The following EXOC6B variants were observed in gnomAD, a reference collection of about 807,000 sequenced individuals.
EXOC6B encodes SEC15 homolog B.
A neutral mutation model predicts 113.5 loss-of-function variants in EXOC6B; 54 were observed. The observed-to-expected ratio is 0.48, with a 90% CI of 0.38 to 0.60. EXOC6B has a LOEUF of 0.60. Ranked by LOEUF, EXOC6B falls within the 20% of genes least tolerant of loss-of-function variation. The pLI is 0.00. For synonymous variants in EXOC6B, 357 were observed against 339.0 expected (o/e 1.05, Z -0.58); for missense variants, 797 against 977.5 (o/e 0.82, Z 2.46).
rs755581083 is a variant in EXOC6B, at chr2:72,622,231, CA to C, written c.670-46564del. 5.1e-3 allele frequency among the ~76,000 whole-genome samples: 660 copies of C among 129,662 alleles called. 5 individuals carry two copies. The highest frequency in any genetic ancestry group is 0.024 in the Admixed American group (306 of 12,890). 85.1% of individuals were successfully genotyped at this position (129,662 alleles called of 152,430 possible). A position where few individuals can be genotyped will look rare whatever the true frequency, so the allele number is the denominator to read the frequency against. Reference sequence around the variant, plus strand: ...AACATTTTAAAAAACTGATGAAGTACAAAAAAAAAAAACTCTTCTCAGCCCC... The same window carrying C: ...AACATTTTAAAAAACTGATGAAGTACAAAAAAAAAAACTCTTCTCAGCCCC... On this transcript the variant is annotated intron_variant, in intron 6 of 21. Coordinates refer to ENST00000272427, the MANE Select transcript of EXOC6B (RefSeq NM_015189.3).
chr2:72,183,139 A>G lies in EXOC6B; in HGVS notation c.2309+936T>C, dbSNP rs531674256. Among the ~76,000 whole-genome samples, 9 of 151,936 alleles carry G rather than the reference A, an allele frequency of 5.9e-5. No individual in the cohort carries two copies. In the East Asian group the frequency reaches 1.7e-3, roughly 29 times the overall value. ...GACCTCTCCTTCTGCTTAAGGCTCC[A>G]CTCTGACTTCCTGGACTCTGAGCCT... On this transcript the variant is annotated intron_variant, in intron 21 of 21. Transcript: ENST00000272427.
At position 72,786,746 on chromosome 2, in the gene EXOC6B, C is replaced by A. The variant is rs572203200; in HGVS notation, c.113+39052G>T. On this transcript the variant is annotated intron_variant, in intron 1 of 21. Coordinates refer to ENST00000272427, the MANE Select transcript of EXOC6B (RefSeq NM_015189.3). Reference sequence around the variant, plus strand: ...CTATATACTCCACTAGGGCAATCACCATGTCTGTCTTATTTACTGATACAC... The same window carrying A: ...CTATATACTCCACTAGGGCAATCACAATGTCTGTCTTATTTACTGATACAC... Among the ~76,000 whole-genome samples the A allele has an allele frequency of 2.0e-5, 3 of 152,136 alleles. No homozygotes were observed. In the South Asian group the frequency reaches 6.2e-4, roughly 32 times the overall value.
chr2:72,661,993 G>A (rs938595873), intron 6 of EXOC6B, among the ~76,000 whole-genome samples: 1 of 149,924 alleles, frequency 6.7e-6, no homozygotes, highest in African/African-American at 2.5e-5. Flanking sequence ...ATATGGTGTT[G>A]GAACAATTGG....
intron 5 of EXOC6B, chr2:72,722,065 T>C (rs1011794956): frequency 6.7e-6 from 1 of 149,620 alleles, no homozygotes; most frequent in African/African-American, 2.4e-5. Flanking sequence ...TTATAAATAC[T>C]TACACATATA....
chr2:72,611,502 A>C (rs182140002), intron 6 of EXOC6B, among the ~76,000 whole-genome samples: 1 of 152,340 alleles, frequency 6.6e-6, no homozygotes, highest in Admixed American at 6.5e-5. Context: ...AGAGAGTATT[A>C]GTAGAAAAAC....
At chr2:72,633,914 G>A (rs985860136) in intron 6 of EXOC6B, among the ~76,000 whole-genome samples, 1 of 152,180 alleles carries the variant, frequency 6.6e-6, no homozygotes, top group African/African-American at 2.4e-5. Context: ...ATGAAGTAGA[G>A]CAGGGATCTG....
intron 21 of EXOC6B, among the ~76,000 whole-genome samples, chr2:72,183,576 T>C (rs1572957031): frequency 6.6e-6 from 1 of 152,144 alleles, no homozygotes; most frequent in East Asian, 1.9e-4. Context: ...TAAAGCTCAG[T>C]CTGGCAGGGG....
chr2:72,203,996 A>G (rs958886230), intron 20 of EXOC6B, among the ~76,000 whole-genome samples: 1 of 152,092 alleles, frequency 6.6e-6, no homozygotes, highest in Non-Finnish European at 1.5e-5. Context: ...TAGCCCTACA[A>G]TGGGAAGGAA....
chr2:72,546,726 A>G (rs1322086254), intron 8 of EXOC6B, among the ~76,000 whole-genome samples: 1 of 152,226 alleles, frequency 6.6e-6, no homozygotes, highest in Non-Finnish European at 1.5e-5. Context: ...AAAACAGGTC[A>G]TCAGCTTGCC....
At chr2:72,267,621 A>G (rs921752930) in intron 20 of EXOC6B, among the ~76,000 whole-genome samples, 9 of 152,174 alleles carry the variant, frequency 5.9e-5, no homozygotes, top group Admixed American at 2.0e-4. Flanking sequence ...TGATCATGGT[A>G]GATAAGCTTT....
intron 18 of EXOC6B, among the ~76,000 whole-genome samples, chr2:72,446,693 T>C (rs1241826712): frequency 6.6e-6 from 1 of 152,096 alleles, no homozygotes; most frequent in East Asian, 1.9e-4. Context: ...ACCTGGGTGA[T>C]GAAATAATCT....
At chr2:72,514,952 CAG>C (rs1701138644) in intron 9 of EXOC6B, 89 bp downstream of exon 9, 8 of 997,542 alleles carry the variant, frequency 8.0e-6, no homozygotes, top group South Asian at 3.0e-5. Flanking sequence ...CACACACACA[CAG>C]ACACACACAC....
At chr2:72,549,163 T>C (rs1462711620) in intron 8 of EXOC6B, among the ~76,000 whole-genome samples, 2 of 152,146 alleles carry the variant, frequency 1.3e-5, no homozygotes, top group Non-Finnish European at 2.9e-5. Flanking sequence ...ATATGGATGA[T>C]AAGACATGGA....
At chr2:72,382,537 A>C (rs1691750616) in intron 18 of EXOC6B, among the ~76,000 whole-genome samples, 1 of 152,078 alleles carries the variant, frequency 6.6e-6, no homozygotes, top group Non-Finnish European at 1.5e-5. Context: ...TTCTATATAC[A>C]TTTTTAAATA....
rs780616452 is a variant in EXOC6B, at chr2:72,741,291, A to T, written c.279+13T>A. 6.2e-7 allele frequency: 1 copy of T among 1,610,370 alleles called. No individual in the cohort carries two copies. The highest frequency in any genetic ancestry group is 2.2e-5 in the East Asian group (1 of 44,828). ...ACAGGACGGAGAAACAGTATCTCTT[A>T]GAGCCTTCTTACTTTGAGTTTCTGG... On this transcript the variant is annotated intron_variant, in intron 2 of 21. Transcript: ENST00000272427.
intron 8 of EXOC6B, among the ~76,000 whole-genome samples, chr2:72,535,693 A>AG (rs1702250339): frequency 6.6e-6 from 1 of 151,820 alleles, no homozygotes; most frequent in African/African-American, 2.4e-5. Context: ...ACCAACATAG[A>AG]GAAACCCCCA....
intron 11 of EXOC6B, among the ~76,000 whole-genome samples, chr2:72,501,604 C>T (rs1700321980): frequency 6.6e-6 from 1 of 151,772 alleles, no homozygotes; most frequent in East Asian, 1.9e-4. Flanking sequence ...TTAAAATTTC[C>T]ACTAGTGTTT....
intron 1 of EXOC6B, among the ~76,000 whole-genome samples, chr2:72,773,555 C>A (rs558373947): frequency 6.6e-6 from 1 of 151,068 alleles, no homozygotes; most frequent in South Asian, 2.1e-4. Context: ...TCATTCTATA[C>A]CTTAGGTATA....
At chr2:72,238,594 T>C (rs1261458505) in intron 20 of EXOC6B, among the ~76,000 whole-genome samples, 1 of 152,222 alleles carries the variant, frequency 6.6e-6, no homozygotes, top group Non-Finnish European at 1.5e-5. Context: ...ATTCTAGCTA[T>C]CCTAGTGTGT....
Sources: gnomAD v4.1 joint callset for allele counts (sites outside exome capture counted in the v4.1 genomes callset) on GRCh38, gnomAD v4.1.1 for gene constraint, MANE v1.5 for transcripts, NCBI Gene and HGNC (gene_info 2026-07-23, HGNC 2026-07-21) for gene names.